The following TTN variants were observed in gnomAD, a reference collection of about 807,000 sequenced individuals.
TTN encodes titin.
TTN carries 1,525 observed loss-of-function variants against 3,223.0 expected under a neutral mutation model. The ratio of observed to expected loss-of-function variants is 0.47; its 90% CI spans 0.45 to 0.49. TTN has a LOEUF of 0.49. Among genes scored for constraint, TTN ranks in the 20% least tolerant of loss-of-function variants. The pLI, the probability that TTN is intolerant of heterozygous loss-of-function variation, is 0.00. For missense variants in TTN, 40,786 were observed against 43,424.0 expected (o/e 0.94, Z 5.40); for synonymous variants, 14,094 against 15,161.0 (o/e 0.93, Z 5.17).
intron 127 of TTN, among the ~76,000 whole-genome samples, chr2:178,686,412 G>A (rs1040051877): frequency 5.2e-5 from 5 of 96,082 alleles, no homozygotes; most frequent in African/African-American, 8.3e-5. Flanking sequence ...GAGCCACCGC[G>A]CCCGGCCAGT....
chr2:178,784,225 C>G lies in TTN; in HGVS notation c.2620G>C (p.Glu874Gln). 6.2e-7 allele frequency: 1 copy of G among 1,614,172 alleles called. No individual in the cohort carries two copies. Among genetic ancestry groups the G allele is most frequent in the African/African-American group, 1.3e-5 (1 of 75,048 alleles). The change falls in exon 16 of 363, where the codon GAG becomes CAG. Residue 874 changes from glutamate (E) to glutamine (Q), a missense_variant. Coordinates refer to ENST00000589042, the MANE Select transcript of TTN (RefSeq NM_001267550.2). Reference protein sequence around the residue: ...VKPSETRVRAEPTPLPQFPFA... With the variant: ...VKPSETRVRAQPTPLPQFPFA... Reference sequence around the variant, plus strand: ...GGGAACTGTGGCAAGGGTGTGGGCTCTGCCCTTACTCTAGTCTCACTGGGC... The same window carrying G: ...GGGAACTGTGGCAAGGGTGTGGGCTGTGCCCTTACTCTAGTCTCACTGGGC...
intron 213 of TTN, 26 bp downstream of exon 213, chr2:178,649,222 A>C: frequency 6.8e-7 from 1 of 1,465,620 alleles, no homozygotes; most frequent in Non-Finnish European, 9.1e-7. Context: ...AGTTAGAGAA[A>C]TCTATTTTTT....
At chr2:178,745,644 A>G in intron 47 of TTN, 1 of 1,612,668 alleles carries the variant, frequency 6.2e-7, no homozygotes, top group East Asian at 2.2e-5. Context: ...GTAGCTACAC[A>G]CCTATACTCT....
At chr2:178,664,147 G>T (rs749508240) in intron 168 of TTN, 49 bp from the exon 169 acceptor site, 1 of 1,515,624 alleles carries the variant, frequency 6.6e-7, no homozygotes, top group South Asian at 1.2e-5. Flanking sequence ...GAGATTACTA[G>T]ATAGATACAA....
At chr2:178,794,868 A>T (rs2093685150) in intron 7 of TTN, 54 bp downstream of exon 7, 2 of 1,586,692 alleles carry the variant, frequency 1.3e-6, no homozygotes, top group African/African-American at 2.7e-5. Flanking sequence ...GCAGAAATCC[A>T]GTTGGAGAAA....
rs749981356 is a variant in TTN, at chr2:178,768,966, GACTT to G, written c.8903-37_8903-34del. 8.1e-6 allele frequency: 13 copies of G among 1,610,348 alleles called. No homozygotes were observed. In the East Asian group the frequency reaches 2.9e-4, roughly 36 times the overall value. ...GGAGAAAAGAAAAAACACCCAAGGA[GACTT>G]TACGTAAATATGATGTGGGTTATAA... On this transcript the variant is annotated intron_variant, in intron 37 of 362. Transcript: ENST00000589042.
At chr2:178,665,297 A>G in intron 165 of TTN, 80 bp downstream of exon 165, 1 of 1,270,106 alleles carries the variant, frequency 7.9e-7, no homozygotes, top group South Asian at 1.3e-5. Flanking sequence ...GAATTTATGA[A>G]GAGTATTAGG....
rs1328808708 is a variant in TTN at position 178,729,876 on chromosome 2, T to G, written c.18377A>C (p.Glu6126Ala). 11 of 1,613,554 alleles carry G rather than the reference T, an allele frequency of 6.8e-6. No individual in the cohort carries two copies. The Admixed American group carries it at 1.3e-4, about 20-fold the overall frequency. Residue 6126 changes from glutamate (E) to alanine (A), a missense_variant, in exon 63 of 363, where the codon GAA becomes GCA. By Grantham distance (107) the Glu-to-Ala change is moderately radical. Coordinates refer to ENST00000589042, the MANE Select transcript of TTN (RefSeq NM_001267550.2). ...TTTAGGAGTGCCTGTTATTTGGCAT[T>G]CAAATGTTGTTGACTGTCCATTCCT... ...VLRNGQSTTF[E>A]CQITGTPKIR...
At chr2:178,584,014 C>T (rs1315655347) in intron 311 of TTN, 108 bp from the exon 312 acceptor site, 4 of 1,247,948 alleles carry the variant, frequency 3.2e-6, no homozygotes, top group Non-Finnish European at 4.3e-6. Context: ...AACAGGAAGA[C>T]AATTATCCCA....
intron 13 of TTN, among the ~76,000 whole-genome samples, chr2:178,787,622 C>G (rs1021345579): frequency 7.9e-5 from 12 of 151,966 alleles, no homozygotes; most frequent in Non-Finnish European, 1.6e-4. Flanking sequence ...TTTATTTTAA[C>G]AATGATAAAA....
rs2073458174 is a variant in TTN at position 178,695,337 on chromosome 2, T to G, written c.31270+11A>C. ...ATGCTCTAGTCTATTTAAATATTTC[T>G]AATTACTTACCTTTAGGAGGTGGTG... On this transcript the variant is annotated intron_variant, in intron 115 of 362. Coordinates refer to ENST00000589042, the MANE Select transcript of TTN (RefSeq NM_001267550.2). The G allele has an allele frequency of 5.0e-6, 8 of 1,607,406 alleles. No individual in the cohort carries two copies. The highest frequency in any genetic ancestry group is 2.2e-5 in the East Asian group (1 of 44,740).
At chr2:178,665,880 G>A in intron 163 of TTN, 89 bp from the exon 164 acceptor site, 1 of 590,796 alleles carries the variant, frequency 1.7e-6, no homozygotes, top group Non-Finnish European at 2.5e-6. Flanking sequence ...CATTCCAGAT[G>A]GGAACCTTCT....
In TTN at chr2:178,605,110, G is replaced by A. The variant is rs1553682168; in HGVS notation, c.54067C>T (p.Arg18023Ter). 1.9e-6 allele frequency: 3 copies of A among 1,612,572 alleles called. No homozygotes were observed. The highest frequency in any genetic ancestry group is 2.2e-5 in the East Asian group (1 of 44,670). ...ALQITKEEVS[R>*]SEAKTELSIP... ...CTAAGCTCAGTTTTTGCCTCACTTC[G>A]GGATACCTCTTCCTTGGTTATCTGA... Residue 18023 changes from arginine to a stop codon, truncating the protein, a stop_gained, in exon 280 of 363, where the codon CGA becomes TGA. Coordinates refer to ENST00000589042, the MANE Select transcript of TTN (RefSeq NM_001267550.2). LOFTEE classifies it high-confidence loss of function.
chr2:178,744,291 A>T, intron 47 of TTN: 1 of 820,054 alleles, frequency 1.2e-6, no homozygotes, highest in East Asian at 1.2e-4. Flanking sequence ...CTTTGTTACA[A>T]AATTAAAGTT....
chr2:178,644,470 A>G (rs2061622743), intron 218 of TTN, 78 bp downstream of exon 218: 2 of 1,074,392 alleles, frequency 1.9e-6, no homozygotes, highest in Admixed American at 3.3e-5. Flanking sequence ...GAGACAGAAC[A>G]TTCGATGGAG....
intron 217 of TTN, chr2:178,645,255 T>C (rs1004627081): frequency 1.3e-5 from 2 of 151,828 alleles, no homozygotes; most frequent in African/African-American, 4.8e-5. Flanking sequence ...AAAATCAAAA[T>C]ATAAGAAGGG....
chr2:178,784,987 G>A lies in TTN; in HGVS notation c.2493+633C>T, dbSNP rs184919889. On this transcript the variant is annotated intron_variant, in intron 15 of 362. Coordinates refer to ENST00000589042, the MANE Select transcript of TTN (RefSeq NM_001267550.2). Reference sequence around the variant, plus strand: ...CTTGGATGTGTATAATAACAATAGTGACTAATATCAAGGATTTATTACATG... The same window carrying A: ...CTTGGATGTGTATAATAACAATAGTAACTAATATCAAGGATTTATTACATG... Among the ~76,000 whole-genome samples the A allele has an allele frequency of 1.0e-3, 159 of 152,264 alleles. 1 individual carries two copies. The highest frequency in any genetic ancestry group is 1.9e-3 in the Non-Finnish European group (126 of 68,014).
At chr2:178,799,419 G>A (rs2093938639) in intron 6 of TTN, 68 bp downstream of exon 6, 2 of 1,610,542 alleles carry the variant, frequency 1.2e-6, no homozygotes, top group African/African-American at 2.7e-5. Context: ...GGGGACAAGG[G>A]AATCTTTCTC....
At position 178,617,210 on chromosome 2, in the gene TTN, T is replaced by C. The variant is rs1386533299; in HGVS notation, c.47785A>G (p.Lys15929Glu). ...TCTGCAGATACTCTATATAAATATT[T>C]ATTTCCTTTTTCCAATCCGGTAACC... ...YKVTGLEKGNKYLYRVSAENK... is the reference protein window; with the variant it reads ...YKVTGLEKGNEYLYRVSAENK... Residue 15929 changes from lysine (K) to glutamate (E), a missense_variant, in exon 255 of 363, where the codon AAA becomes GAA. Lys to Glu is a moderately conservative substitution (Grantham distance 56, BLOSUM62 1). Transcript: ENST00000589042. 4.5e-6 allele frequency: 7 copies of C among 1,554,950 alleles called. No homozygotes were observed. In the South Asian group the frequency reaches 8.5e-5, roughly 19 times the overall value.
Sources: allele counts gnomAD v4.1 joint callset (sites outside exome capture counted in the v4.1 genomes callset), GRCh38; gene constraint gnomAD v4.1.1; transcripts MANE v1.5; gene names NCBI Gene and HGNC (gene_info 2026-07-23, HGNC 2026-07-21).